The following ASH1L variants were observed in gnomAD, a reference collection of about 807,000 sequenced individuals.
ASH1L encodes the protein ASH1 like histone lysine methyltransferase, also known as histone-lysine N-methyltransferase ASH1L.
Under a neutral mutation model 269.0 loss-of-function variants are expected in ASH1L, and 23 were observed. The observed-to-expected ratio is 0.09, with a 90% CI of 0.06 to 0.12. The LOEUF is 0.12. ASH1L is among the 10% of genes least tolerant of loss of function. ASH1L has a pLI of 1.00. For synonymous variants in ASH1L, 1,187 were observed against 1,253.5 expected, an observed-to-expected ratio of 0.95 and a Z score of 1.12; for missense variants, 2,912 against 3,567.8, an observed-to-expected ratio of 0.82 and a Z score of 4.68.
chr1:155,476,824 A>G (rs539178904), intron 3 of ASH1L, among the ~76,000 whole-genome samples: 3 of 152,138 alleles, frequency 2.0e-5, no homozygotes, highest in Admixed American at 2.0e-4. Flanking sequence ...AAGCACTGGG[A>G]TTACAGGTGT....
chr1:155,376,677 C>CA (rs1165898167), intron 10 of ASH1L, among the ~76,000 whole-genome samples: 2 of 148,796 alleles, frequency 1.3e-5, no homozygotes, highest in Non-Finnish European at 3.0e-5. Flanking sequence ...GACTCTGTCT[C>CA]AAAAAAATAA....
intron 5 of ASH1L, among the ~76,000 whole-genome samples, chr1:155,426,889 T>C (rs1464029098): frequency 2.6e-5 from 4 of 152,190 alleles, no homozygotes; most frequent in Admixed American, 1.3e-4. Flanking sequence ...ATTTTTTGTA[T>C]AGAGGATAAG....
intron 4 of ASH1L, among the ~76,000 whole-genome samples, chr1:155,457,902 C>T (rs1165587803): frequency 6.6e-6 from 1 of 152,172 alleles, no homozygotes; most frequent in Non-Finnish European, 1.5e-5. Flanking sequence ...GGTTGGTGAA[C>T]TTTTTCTGTA....
intron 4 of ASH1L, among the ~76,000 whole-genome samples, chr1:155,443,860 T>C (rs1273795441): frequency 1.3e-5 from 2 of 152,176 alleles, no homozygotes; most frequent in East Asian, 3.8e-4. Context: ...GAAATCTGCG[T>C]TGTTTCCAGT....
At chr1:155,560,835 A>T (rs544675131) in intron 1 of ASH1L, among the ~76,000 whole-genome samples, 1 of 152,334 alleles carries the variant, frequency 6.6e-6, no homozygotes, top group African/African-American at 2.4e-5. Context: ...CCATAAATCC[A>T]AAATAATATA....
intron 5 of ASH1L, among the ~76,000 whole-genome samples, chr1:155,423,818 C>T (rs1426228673): frequency 1.3e-5 from 2 of 152,174 alleles, no homozygotes; most frequent in African/African-American, 4.8e-5. Context: ...CAACCTCCAC[C>T]TCCCAGGTTC....
chr1:155,419,631 T>C (rs1046793850), intron 5 of ASH1L: 11 of 152,164 alleles, frequency 7.2e-5, no homozygotes, highest in East Asian at 1.9e-4. Context: ...AAAATAAACA[T>C]AAGCAAATGT....
At chr1:155,409,937 G>C (rs887650556) in intron 6 of ASH1L, among the ~76,000 whole-genome samples, 1 of 151,484 alleles carries the variant, frequency 6.6e-6, no homozygotes, top group Non-Finnish European at 1.5e-5. Context: ...AAGCTGGGGC[G>C]GGCAGATCAC....
intron 1 of ASH1L, among the ~76,000 whole-genome samples, chr1:155,542,183 T>C (rs1189461451): frequency 6.6e-6 from 1 of 152,160 alleles, no homozygotes; most frequent in African/African-American, 2.4e-5. Flanking sequence ...CTGATCTCAA[T>C]CTTTAGGGAA....
chr1:155,497,017 C>A (rs1667199537), intron 2 of ASH1L, among the ~76,000 whole-genome samples: 1 of 152,050 alleles, frequency 6.6e-6, no homozygotes, highest in Non-Finnish European at 1.5e-5. Flanking sequence ...ATATTCTAAC[C>A]CTTTTAATTT....
chr1:155,351,260 A>T (rs1653899866), intron 17 of ASH1L, among the ~76,000 whole-genome samples: 1 of 150,642 alleles, frequency 6.6e-6, no homozygotes. Flanking sequence ...AAAAAAAAAA[A>T]TTAGTTTGGC....
At chr1:155,510,526 G>C (rs1490238438) in intron 2 of ASH1L, among the ~76,000 whole-genome samples, 1 of 150,696 alleles carries the variant, frequency 6.6e-6, no homozygotes, top group Non-Finnish European at 1.5e-5. Flanking sequence ...ATAGAAAAAA[G>C]ATACAGAGCA....
chr1:155,549,500 C>T (rs1012088312), intron 1 of ASH1L, among the ~76,000 whole-genome samples: 4 of 151,564 alleles, frequency 2.6e-5, no homozygotes, highest in Non-Finnish European at 4.4e-5. Flanking sequence ...TAGCCAGGCA[C>T]GGTAATCCCT....
intron 1 of ASH1L, among the ~76,000 whole-genome samples, chr1:155,560,591 T>G (rs1174923786): frequency 6.6e-6 from 1 of 152,164 alleles, no homozygotes; most frequent in Non-Finnish European, 1.5e-5. Context: ...TCCCCTCACG[T>G]TGTACCCAGG....
intron 7 of ASH1L, among the ~76,000 whole-genome samples, chr1:155,380,805 T>A (rs1397876136): frequency 3.5e-5 from 5 of 143,726 alleles, no homozygotes; most frequent in Admixed American, 2.1e-4. Flanking sequence ...TAATTTGTAT[T>A]TTTTTTTTTT....
intron 3 of ASH1L, among the ~76,000 whole-genome samples, chr1:155,461,471 T>C (rs910202254): frequency 2.0e-5 from 3 of 152,178 alleles, no homozygotes; most frequent in East Asian, 1.9e-4. Flanking sequence ...AGCAGCAAGA[T>C]TGTTTATTGT....
chr1:155,339,205 G>T, intron 26 of ASH1L, 123 bp downstream of exon 26: 1 of 837,748 alleles, frequency 1.2e-6, no homozygotes, highest in Non-Finnish European at 2.0e-6. Flanking sequence ...CACTACACTG[G>T]GCTACTCTGC....
Position 155,378,569 on chromosome 1 carries a change from T to A in ASH1L, c.6178-21A>T, listed in dbSNP as rs201906485. 279 of 1,592,214 alleles carry A rather than the reference T, an allele frequency of 1.8e-4. No individual in the cohort carries two copies. In the East Asian group the frequency reaches 5.9e-3, roughly 34 times the overall value. On this transcript the variant is annotated intron_variant, in intron 8 of 27. Coordinates refer to ENST00000392403, the MANE Select transcript of ASH1L (RefSeq NM_018489.3). ...TATAGCTAGAAGAAAAGAAGAAAAA[T>A]CTTGATATAGCATTTAACTTCAAAT...
intron 2 of ASH1L, among the ~76,000 whole-genome samples, 184 bp from the exon 3 acceptor site, chr1:155,482,633 CTATCATGGTATAT>C (rs1185102485): frequency 1.3e-5 from 2 of 152,140 alleles, no homozygotes; most frequent in Non-Finnish European, 2.9e-5. Context: ...ATACGAGAGG[CTATCATGGTATAT>C]TATCTTTGTT....
Sources: allele counts gnomAD v4.1 joint callset (sites outside exome capture counted in the v4.1 genomes callset), GRCh38; gene constraint gnomAD v4.1.1; transcripts MANE v1.5; gene names NCBI Gene and HGNC (gene_info 2026-07-23, HGNC 2026-07-21).